The following RTN4 variants were observed in gnomAD, a reference collection of about 807,000 sequenced individuals.
RTN4 encodes the protein reticulon 4.
A neutral mutation model predicts 90.4 loss-of-function variants in RTN4; 32 were observed. The observed-to-expected ratio is 0.35, with a 90% CI of 0.27 to 0.48. The LOEUF (loss-of-function observed/expected upper bound fraction) is 0.48. Among genes scored for constraint, RTN4 ranks in the 20% least tolerant of loss-of-function variants. The probability of loss-of-function intolerance (pLI) is 0.99; values close to 1 mark genes in which losing one functional copy is unlikely to be tolerated. For missense variants in RTN4, 1,706 were observed against 1,430.2 expected (o/e 1.19, Z -3.11); for synonymous variants, 629 against 552.5 (o/e 1.14, Z -1.94).
intron 2 of RTN4, among the ~76,000 whole-genome samples, chr2:55,071,628 C>T (rs1244554678): frequency 6.6e-6 from 1 of 150,910 alleles, no homozygotes; most frequent in Admixed American, 6.6e-5. Context: ...AAAAATGCTG[C>T]AGGCGATCAC....
At chr2:55,010,139 T>C in intron 3 of RTN4, 2 of 1,613,368 alleles carry the variant, frequency 1.2e-6, no homozygotes, top group Non-Finnish European at 8.5e-7. Context: ...ACGATCTGCT[T>C]TGCAGCTCCA....
intron 4 of RTN4, among the ~76,000 whole-genome samples, chr2:54,986,524 T>G (rs747725145): frequency 7.9e-5 from 12 of 152,214 alleles, no homozygotes; most frequent in Non-Finnish European, 1.5e-4. Flanking sequence ...AGGCCCCTGG[T>G]TAGACTGAGG....
the RTN4 span, among the ~76,000 whole-genome samples, chr2:55,134,748 C>T: frequency 1.3e-5 from 2 of 152,152 alleles, no homozygotes; most frequent in East Asian, 3.9e-4. Context: ...AGTGCCCAAG[C>T]TTTTTGGGCC....
At chr2:55,128,834 C>T in the RTN4 span, among the ~76,000 whole-genome samples, 5 of 150,118 alleles carry the variant, frequency 3.3e-5, no homozygotes, top group Non-Finnish European at 5.9e-5. Flanking sequence ...GGGCTGGGCA[C>T]GGTGGCTCAC....
At chr2:55,062,968 C>T (rs571905383) in intron 2 of RTN4, among the ~76,000 whole-genome samples, 84 of 152,282 alleles carry the variant, frequency 5.5e-4, no homozygotes, top group African/African-American at 1.9e-3. Flanking sequence ...CTGGGGCAAC[C>T]ATTTTGGACT....
At chr2:54,976,126 T>C (rs1182243120) in intron 5 of RTN4, among the ~76,000 whole-genome samples, 2 of 152,218 alleles carry the variant, frequency 1.3e-5, no homozygotes, top group Non-Finnish European at 2.9e-5. Context: ...GGGAAAAGTG[T>C]TGACCTTCCA....
chr2:55,012,169 C>T (rs1053647593), intron 3 of RTN4, among the ~76,000 whole-genome samples: 2 of 152,130 alleles, frequency 1.3e-5, no homozygotes, highest in Non-Finnish European at 2.9e-5. Context: ...TCAAGTTACT[C>T]GGCACTTAAG....
rs140150716 is a variant in RTN4 at position 54,989,771 on chromosome 2, G to T, written c.3014-2073C>A. 7.7e-3 allele frequency among the ~76,000 whole-genome samples: 1,176 copies of T among 152,320 alleles called. 17 individuals carry two copies. The highest frequency in any genetic ancestry group is 0.027 in the African/African-American group (1,131 of 41,572). Reference sequence around the variant, plus strand: ...AAAAACTGGAAGAAATGTTAAGACTGTGAAATACTGTAAATGGAAACTGAG... The same window carrying T: ...AAAAACTGGAAGAAATGTTAAGACTTTGAAATACTGTAAATGGAAACTGAG... On this transcript the variant is annotated intron_variant, in intron 3 of 8. Coordinates refer to ENST00000337526, the MANE Select transcript of RTN4 (RefSeq NM_020532.5).
At chr2:55,019,363 G>A (rs1465292630) in intron 3 of RTN4, among the ~76,000 whole-genome samples, 1 of 152,184 alleles carries the variant, frequency 6.6e-6, no homozygotes, top group East Asian at 1.9e-4. Flanking sequence ...TTGATAGGGA[G>A]CAGGATATCT....
chr2:55,031,531 A>T (rs1025894995), intron 1 of RTN4, among the ~76,000 whole-genome samples: 2 of 152,252 alleles, frequency 1.3e-5, no homozygotes, highest in Non-Finnish European at 2.9e-5. Flanking sequence ...CCTAGCCAAG[A>T]AACCTATGGT....
chr2:55,022,895 C>T (rs908153688), intron 3 of RTN4, among the ~76,000 whole-genome samples: 1 of 60,992 alleles, frequency 1.6e-5, no homozygotes, highest in African/African-American at 4.4e-5. Flanking sequence ...ATTCAACATC[C>T]AACACACACA....
chr2:55,134,196 A>G, the RTN4 span, among the ~76,000 whole-genome samples: 3 of 151,836 alleles, frequency 2.0e-5, no homozygotes, highest in African/African-American at 7.3e-5. Flanking sequence ...ACAACCAGAG[A>G]TTGCTTTTGT....
At chr2:55,089,646 C>G (rs1441783522) in intron 1 of RTN4, among the ~76,000 whole-genome samples, 2 of 152,204 alleles carry the variant, frequency 1.3e-5, no homozygotes, top group African/African-American at 4.8e-5. Context: ...ATGTCTAGTG[C>G]TTTAGCTATT....
intron 3 of RTN4, among the ~76,000 whole-genome samples, chr2:54,995,037 G>C (rs1172607640): frequency 1.3e-5 from 2 of 152,084 alleles, no homozygotes; most frequent in African/African-American, 4.8e-5. Context: ...CTGAGGTCAC[G>C]AGTTTGAGCC....
chr2:55,038,801 T>C (rs534687979), intron 1 of RTN4, among the ~76,000 whole-genome samples: 1 of 152,356 alleles, frequency 6.6e-6, no homozygotes, highest in South Asian at 2.1e-4. Context: ...AAAATGTCTA[T>C]GTAAGAATGT....
At chr2:55,082,454 TC>T (rs1449477059) in intron 1 of RTN4, among the ~76,000 whole-genome samples, 2 of 152,116 alleles carry the variant, frequency 1.3e-5, no homozygotes, top group Non-Finnish European at 2.9e-5. Context: ...AAACAGGCCA[TC>T]CCCAGCAAGC....
chr2:54,991,270 A>C (rs866749904), intron 3 of RTN4, among the ~76,000 whole-genome samples: 33 of 152,220 alleles, frequency 2.2e-4, no homozygotes, highest in Non-Finnish European at 3.2e-4. Flanking sequence ...ATGACTTTAG[A>C]TTTGAGAGGT....
chr2:55,090,124 G>A (rs187746980), intron 1 of RTN4, among the ~76,000 whole-genome samples: 4 of 152,216 alleles, frequency 2.6e-5, no homozygotes, highest in Admixed American at 1.3e-4. Flanking sequence ...GGGCTGTTTT[G>A]AGTAGGATGG....
chr2:55,128,667 C>T, the RTN4 span, among the ~76,000 whole-genome samples: 2 of 151,980 alleles, frequency 1.3e-5, no homozygotes, highest in Non-Finnish European at 2.9e-5. Flanking sequence ...TAGCAACTCA[C>T]AATTCAGAAC....
Sources: gnomAD v4.1 joint callset for allele counts (sites outside exome capture counted in the v4.1 genomes callset) on GRCh38, gnomAD v4.1.1 for gene constraint, MANE v1.5 for transcripts, NCBI Gene and HGNC (gene_info 2026-07-23, HGNC 2026-07-21) for gene names.